LACTBL1: variants seen among roughly 807,000 people sequenced by gnomAD.
The protein encoded by LACTBL1 is beta-lactamase-like protein 1.
In LACTBL1, 29 loss-of-function variants were observed where a neutral mutation model predicts 39.6. That is an observed-to-expected ratio of 0.73 (90% confidence interval 0.55 to 1.00). The LOEUF is 1.00. Among genes scored for constraint, LACTBL1 ranks in the 50% least tolerant of loss-of-function variants. The pLI, the probability that LACTBL1 is intolerant of heterozygous loss-of-function variation, is 0.00. For synonymous variants in LACTBL1, 361 were observed against 360.7 expected (o/e 1.00, Z -0.01); for missense variants, 711 against 748.5 (o/e 0.95, Z 0.59).
exon 6 of LACTBL1, chr1:22,953,626 G>A (rs1570496904): frequency 7.9e-7 from 1 of 1,266,168 alleles, no homozygotes; most frequent in Non-Finnish European, 9.9e-7. Context: ...GCCCCGCTGC[G>A]CGTGGAACTC....
intron 5 of LACTBL1, 50 bp from the exon 8 acceptor site, chr1:22,954,074 G>T (rs1191776421): frequency 2.0e-6 from 3 of 1,466,328 alleles, no homozygotes; most frequent in Non-Finnish European, 2.7e-6. Flanking sequence ...TCACCCGCCC[G>T]CGCTGTCTGA....
At chr1:22,965,291 G>A (rs1640865575) in exon 1 of LACTBL1, 37 of 1,316,066 alleles carry the variant, frequency 2.8e-5, no homozygotes, top group Admixed American at 1.5e-4. Context: ...TGCACTCACC[G>A]GTCTTCAGCT....
In LACTBL1 at chr1:22,964,093, C is replaced by T. The variant is rs534933667; in HGVS notation, c.50-877G>A. Among the ~76,000 whole-genome samples the T allele has an allele frequency of 3.3e-5, 5 of 152,264 alleles. No homozygotes were observed. In the South Asian group the frequency reaches 6.2e-4, roughly 19 times the overall value. ...CTGGGACTACAGGCGTCCACCACCA[C>T]GCCCGGCTCATTTTTGTATTTTTAG... On this transcript the variant is annotated intron_variant, in intron 1 of 5. Coordinates refer to ENST00000426928, the Ensembl canonical transcript of LACTBL1.
At chr1:22,970,045 C>A (rs1410503717), upstream of LACTBL1, among the ~76,000 whole-genome samples, 1 of 152,232 alleles carries the variant, frequency 6.6e-6, no homozygotes, top group Non-Finnish European at 1.5e-5. Flanking sequence ...CTCTGAGCCT[C>A]TACTTCTCCA....
At chr1:22,971,802 TA>T in the LACTBL1 span, among the ~76,000 whole-genome samples, 1 of 152,232 alleles carries the variant, frequency 6.6e-6, no homozygotes, top group African/African-American at 2.4e-5. Flanking sequence ...CTCATCTGCA[TA>T]ATGCAGATAA....
exon 6 of LACTBL1, chr1:22,953,520 T>A (rs1275207205): frequency 7.3e-6 from 9 of 1,235,490 alleles, no homozygotes; most frequent in Non-Finnish European, 9.1e-6. Context: ...GCCGTGGCCC[T>A]GCCAGCAGCA....
At chr1:22,958,800 G>A (rs1324069972) in exon 4 of LACTBL1, 3 of 1,550,714 alleles carry the variant, frequency 1.9e-6, no homozygotes, top group East Asian at 2.4e-5. Context: ...GGCCCAGCGG[G>A]TTGTTAATGG....
At chr1:22,963,534 C>T (rs1640847975) in intron 1 of LACTBL1, among the ~76,000 whole-genome samples, 1 of 152,216 alleles carries the variant, frequency 6.6e-6, no homozygotes, top group Non-Finnish European at 1.5e-5. Context: ...GGGGCAGGCT[C>T]AGCCACATCT....
chr1:22,971,716 G>C, the LACTBL1 span, among the ~76,000 whole-genome samples: 1 of 152,366 alleles, frequency 6.6e-6, no homozygotes, highest in East Asian at 1.9e-4. Flanking sequence ...CCTGGGGCCA[G>C]GGAAGTAGGA....
At chr1:22,954,161 A>AAG in intron 5 of LACTBL1, 137 bp from the exon 8 acceptor site, 1 of 1,419,062 alleles carries the variant, frequency 7.0e-7, no homozygotes. Flanking sequence ...TCAGACCTGG[A>AAG]AGAGACTTTG....
At chr1:22,954,130 G>A (rs1640739944) in intron 5 of LACTBL1, 106 bp from the exon 8 acceptor site, 1 of 1,442,166 alleles carries the variant, frequency 6.9e-7, no homozygotes. Flanking sequence ...GAAGGAACCT[G>A]CTCCCCTGCA....
chr1:22,967,436 C>T (rs762309693), upstream of LACTBL1, among the ~76,000 whole-genome samples: 13 of 151,896 alleles, frequency 8.6e-5, no homozygotes, highest in Non-Finnish European at 1.6e-4. Context: ...CCCAGCTACT[C>T]GGGAGTCTGA....
At chr1:22,958,173 A>G (rs1229854091) in intron 4 of LACTBL1, among the ~76,000 whole-genome samples, 1 of 151,880 alleles carries the variant, frequency 6.6e-6, no homozygotes, top group Non-Finnish European at 1.5e-5. Flanking sequence ...GCAGCCTTCA[A>G]CTCCTGGGCT....
the LACTBL1 span, chr1:22,972,238 C>T: frequency 5.3e-6 from 5 of 946,272 alleles, no homozygotes; most frequent in South Asian, 4.9e-5. Context: ...GCCAGAAGGA[C>T]GGTGGCATGG....
chr1:22,958,239 C>T (rs574699442), intron 4 of LACTBL1, among the ~76,000 whole-genome samples: 1 of 152,232 alleles, frequency 6.6e-6, no homozygotes, highest in South Asian at 2.1e-4. Context: ...GTGTGTACCA[C>T]CATGCCTGGG....
At chr1:22,967,477 G>T (rs1167698006), upstream of LACTBL1, among the ~76,000 whole-genome samples, 2 of 151,966 alleles carry the variant, frequency 1.3e-5, no homozygotes, top group Non-Finnish European at 2.9e-5. Context: ...CTGGGAGGTC[G>T]TCGAGGCTGC....
chr1:22,964,098 G>A (rs557910596), intron 1 of LACTBL1, among the ~76,000 whole-genome samples: 10 of 152,014 alleles, frequency 6.6e-5, no homozygotes, highest in Non-Finnish European at 1.3e-4. Flanking sequence ...CACCACGCCC[G>A]GCTCATTTTT....
upstream of LACTBL1, among the ~76,000 whole-genome samples, chr1:22,969,177 T>C (rs756728877): frequency 6.6e-6 from 1 of 152,224 alleles, no homozygotes; most frequent in Non-Finnish European, 1.5e-5. Flanking sequence ...GTGTATATGG[T>C]GCGTGTGTGT....
At chr1:22,962,904 G>A (rs10799776) in intron 2 of LACTBL1, among the ~76,000 whole-genome samples, 76,965 of 152,112 alleles carry the variant, frequency 0.51, 23,474 homozygotes, top group Non-Finnish European at 0.69. Flanking sequence ...CGTTCCTCTC[G>A]CTTCCAGATT....
Sources: allele counts gnomAD v4.1 joint callset (sites outside exome capture counted in the v4.1 genomes callset), GRCh38; gene constraint gnomAD v4.1.1; transcripts MANE v1.5; gene names NCBI Gene and HGNC (gene_info 2026-07-23, HGNC 2026-07-21).